Variants in MYRIP observed in about 807,000 individuals in gnomAD.
MYRIP encodes the protein rab effector MyRIP.
In MYRIP, 49 loss-of-function variants were observed where a neutral mutation model predicts 98.0. That is an observed-to-expected ratio of 0.50 (90% CI 0.40 to 0.63). The LOEUF is 0.63. MYRIP is among the 30% of genes least tolerant of loss of function. The pLI, the probability that MYRIP is intolerant of heterozygous loss-of-function variation, is 0.00. For synonymous variants in MYRIP, 404 were observed against 409.5 expected, an observed-to-expected ratio of 0.99 and a Z score of 0.16; for missense variants, 1,004 against 1,058.2, an observed-to-expected ratio of 0.95 and a Z score of 0.71.
chr3:39,894,550 A>G (rs1284139446), intron 1 of MYRIP, among the ~76,000 whole-genome samples: 1 of 152,130 alleles, frequency 6.6e-6, no homozygotes, highest in East Asian at 1.9e-4. Context: ...ATCTATTTTA[A>G]TAGTGTTGCT....
At chr3:39,826,333 C>G (rs1319199869) in intron 1 of MYRIP, among the ~76,000 whole-genome samples, 1 of 151,974 alleles carries the variant, frequency 6.6e-6, no homozygotes, top group Non-Finnish European at 1.5e-5. Context: ...ACTGCATTTG[C>G]TGTGTCATAG....
intron 2 of MYRIP, among the ~76,000 whole-genome samples, chr3:39,960,759 G>A (rs1945302931): frequency 6.6e-6 from 1 of 152,146 alleles, no homozygotes; most frequent in Admixed American, 6.6e-5. Flanking sequence ...TGCTAATGAG[G>A]GAATCAAGGC....
At chr3:40,212,836 T>C (rs1346714443) in intron 11 of MYRIP, among the ~76,000 whole-genome samples, 1 of 151,890 alleles carries the variant, frequency 6.6e-6, no homozygotes, top group East Asian at 1.9e-4. Flanking sequence ...TGAGATGACT[T>C]GAACCCAGGA....
chr3:40,012,867 G>A (rs74491711), intron 2 of MYRIP, among the ~76,000 whole-genome samples: 10,991 of 151,926 alleles, frequency 0.072, 562 homozygotes, highest in East Asian at 0.18. Flanking sequence ...GGGAGTTCTC[G>A]GCCCCCATAA....
intron 2 of MYRIP, 95 bp downstream of exon 2, chr3:39,901,021 T>C: frequency 2.3e-6 from 2 of 855,950 alleles, no homozygotes; most frequent in Non-Finnish European, 3.8e-6. Context: ...TAGCCCTGAG[T>C]TTGGATATAC....
intron 12 of MYRIP, 116 bp downstream of exon 12, chr3:40,234,169 C>A: frequency 2.0e-6 from 2 of 1,012,036 alleles, no homozygotes; most frequent in Non-Finnish European, 2.7e-6. Context: ...CACACCACTA[C>A]CACTATAGCA....
At position 40,018,463 on chromosome 3, in the gene MYRIP, T is replaced by G. The variant is rs529684445; in HGVS notation, c.111-25587T>G. 4.6e-5 allele frequency among the ~76,000 whole-genome samples: 7 copies of G among 152,316 alleles called. 1 individual carries two copies. Among genetic ancestry groups the G allele is most frequent in the African/African-American group, 1.2e-4 (5 of 41,570 alleles). On this transcript the variant is annotated intron_variant, in intron 2 of 16. Coordinates refer to ENST00000302541, the MANE Select transcript of MYRIP (RefSeq NM_015460.4). ...TTGCTACCCCAGTCTTCATTCTGAC[T>G]TTCTTCTTCCTCTCCACAGTGTGTT...
At chr3:40,238,839 A>G (rs954012046) in intron 12 of MYRIP, 1 of 152,288 alleles carries the variant, frequency 6.6e-6, no homozygotes, top group South Asian at 2.1e-4. Flanking sequence ...TACATATCCA[A>G]TCTCCTGTTT....
intron 12 of MYRIP, among the ~76,000 whole-genome samples, chr3:40,238,252 G>A (rs13080600): frequency 0.056 from 8,592 of 152,292 alleles, 295 homozygotes; most frequent in African/African-American, 0.094. Flanking sequence ...AGTCAGGGAA[G>A]GGATGACTTT....
chr3:40,223,896 G>A (rs1008188049), intron 11 of MYRIP, among the ~76,000 whole-genome samples: 1 of 152,160 alleles, frequency 6.6e-6, no homozygotes, highest in Non-Finnish European at 1.5e-5. Context: ...GATGACGTAG[G>A]GCAGAGGGCA....
In MYRIP at chr3:40,130,718, ATG is replaced by A. The variant is rs57689630; in HGVS notation, c.333-20314_333-20313del. ...TCTACCCTCCTAAGAATATATATATATGTGTGTGTGTGTGTGTATCTCCAGAC... is the reference window on the plus strand; with the variant it reads ...TCTACCCTCCTAAGAATATATATATATGTGTGTGTGTGTGTATCTCCAGAC... On this transcript the variant is annotated intron_variant, in intron 3 of 16. Transcript: ENST00000302541. 2.4e-3 allele frequency among the ~76,000 whole-genome samples: 361 copies of A among 150,294 alleles called. 3 individuals are homozygous for A. Among genetic ancestry groups the A allele is most frequent in the African/African-American group, 7.8e-3 (319 of 41,128 alleles).
intron 2 of MYRIP, among the ~76,000 whole-genome samples, chr3:40,040,757 C>G (rs536299229): frequency 1.9e-5 from 1 of 51,818 alleles, no homozygotes; most frequent in African/African-American, 5.6e-5. Context: ...CATATTCTCA[C>G]TCATAGGTGG....
At chr3:40,155,947 G>A (rs1333866148) in intron 4 of MYRIP, among the ~76,000 whole-genome samples, 1 of 151,968 alleles carries the variant, frequency 6.6e-6, no homozygotes, top group African/African-American at 2.4e-5. Context: ...TAGGTTGCCT[G>A]TTCACTCTGA....
At chr3:40,202,797 G>A (rs567317405) in intron 10 of MYRIP, among the ~76,000 whole-genome samples, 16 of 152,202 alleles carry the variant, frequency 1.1e-4, no homozygotes, top group African/African-American at 2.2e-4. Context: ...GCAACATCCC[G>A]TGCACAGTGC....
chr3:39,834,364 G>A (rs1247946161), intron 1 of MYRIP, among the ~76,000 whole-genome samples: 1 of 152,172 alleles, frequency 6.6e-6, no homozygotes. Flanking sequence ...TAACAGAGTA[G>A]TTAGATATTT....
chr3:39,929,123 T>C (rs1212555688), intron 2 of MYRIP, among the ~76,000 whole-genome samples: 1 of 152,000 alleles, frequency 6.6e-6, no homozygotes, highest in Non-Finnish European at 1.5e-5. Context: ...GATACTGTGA[T>C]AGATTGTATC....
chr3:40,178,781 C>T (rs1950823464), intron 8 of MYRIP, among the ~76,000 whole-genome samples: 1 of 152,180 alleles, frequency 6.6e-6, no homozygotes, highest in African/African-American at 2.4e-5. Flanking sequence ...GGCATTTACC[C>T]ACTACCTAAG....
intron 2 of MYRIP, among the ~76,000 whole-genome samples, chr3:39,996,663 C>T (rs923379142): frequency 4.6e-5 from 7 of 152,190 alleles, no homozygotes; most frequent in Non-Finnish European, 8.8e-5. Context: ...GAACTGAACT[C>T]AGCTCTGCAC....
At chr3:39,923,977 G>A (rs1287782814) in intron 2 of MYRIP, among the ~76,000 whole-genome samples, 3 of 151,916 alleles carry the variant, frequency 2.0e-5, no homozygotes, top group African/African-American at 4.8e-5. Flanking sequence ...ACTAGAAAAA[G>A]CTATACAAAG....
Sources: allele counts gnomAD v4.1 joint callset (sites outside exome capture counted in the v4.1 genomes callset), GRCh38; gene constraint gnomAD v4.1.1; transcripts MANE v1.5; gene names NCBI Gene and HGNC (gene_info 2026-07-23, HGNC 2026-07-21).